Variants in MYO1D observed in about 807,000 individuals in gnomAD.
The protein encoded by MYO1D is myosin ID.
MYO1D carries 83 observed loss-of-function variants against 122.0 expected under a neutral mutation model. The ratio of observed to expected loss-of-function variants is 0.68; its 90% CI spans 0.57 to 0.82. MYO1D has a LOEUF of 0.82. Ranked by LOEUF, MYO1D falls within the 40% of genes least tolerant of loss-of-function variation. MYO1D has a pLI of 0.00. For missense variants in MYO1D, 1,157 were observed against 1,269.5 expected (o/e 0.91, Z 1.35); for synonymous variants, 464 against 446.9 (o/e 1.04, Z -0.48).
chr17:32,514,089 A>G lies in MYO1D; in HGVS notation c.2865-19174T>C, dbSNP rs193205500. Among the ~76,000 whole-genome samples the G allele has an allele frequency of 4.4e-4, 67 of 152,056 alleles. 1 individual carries two copies. The highest frequency in any genetic ancestry group is 1.5e-3 in the African/African-American group (64 of 41,496). ...AAACTCCGTCTCTACTAAAAATACA[A>G]AAATTGGCCAGGCATAGTGGCATGT... is the stretch of plus-strand genomic sequence containing the variant. On this transcript the variant is annotated intron_variant, in intron 21 of 21. Coordinates refer to ENST00000318217, the MANE Select transcript of MYO1D (RefSeq NM_015194.3).
chr17:32,741,725 G>A (rs1473003086), intron 13 of MYO1D, among the ~76,000 whole-genome samples: 8 of 152,098 alleles, frequency 5.3e-5, no homozygotes, highest in Non-Finnish European at 1.0e-4. Flanking sequence ...CATATCCATG[G>A]CTTCCACATT....
In MYO1D at chr17:32,765,086, A is replaced by T. The variant is rs1475253527; in HGVS notation, c.832-5T>A. ...TACTACAAATTTTAAATTTCCCTGT[A>T]TCAAAAGTGAAAAAAATAACACATT... On this transcript the variant is annotated splice_polypyrimidine_tract_variant and splice_region_variant and intron_variant, in intron 7 of 21. Transcript: ENST00000318217. The T allele has an allele frequency of 6.2e-7, 1 of 1,604,558 alleles. No homozygotes were observed. Among genetic ancestry groups the T allele is most frequent in the Non-Finnish European group, 8.5e-7 (1 of 1,172,396 alleles).
intron 16 of MYO1D, among the ~76,000 whole-genome samples, chr17:32,660,416 C>T (rs774123067): frequency 1.3e-5 from 2 of 152,158 alleles, no homozygotes; most frequent in African/African-American, 4.8e-5. Flanking sequence ...TAAAAATCCC[C>T]GTCTGTGCCC....
At chr17:32,592,086 T>C (rs2087444282) in intron 21 of MYO1D, among the ~76,000 whole-genome samples, 1 of 152,202 alleles carries the variant, frequency 6.6e-6, no homozygotes, top group Admixed American at 6.5e-5. Flanking sequence ...TTCTCTTTAT[T>C]ATATCTTGCA....
At chr17:32,651,090 T>C (rs1158152203) in intron 19 of MYO1D, among the ~76,000 whole-genome samples, 1 of 152,136 alleles carries the variant, frequency 6.6e-6, no homozygotes, top group Non-Finnish European at 1.5e-5. Context: ...ATTTATTAGG[T>C]AGGATCAGAA....
intron 19 of MYO1D, among the ~76,000 whole-genome samples, chr17:32,645,732 G>A (rs1567927133): frequency 6.6e-6 from 1 of 151,938 alleles, no homozygotes; most frequent in African/African-American, 2.4e-5. Flanking sequence ...TGTAGTTCTC[G>A]TGCCATGGTT....
chr17:32,809,147 A>AAACT (rs2090547313), intron 1 of MYO1D, among the ~76,000 whole-genome samples: 1 of 151,634 alleles, frequency 6.6e-6, no homozygotes, highest in Admixed American at 6.6e-5. Context: ...AAAAAAAAAA[A>AAACT]AAAACTGTCA....
chr17:32,644,495 T>A (rs573415740), intron 19 of MYO1D, among the ~76,000 whole-genome samples: 19 of 152,204 alleles, frequency 1.2e-4, no homozygotes, highest in Non-Finnish European at 2.5e-4. Flanking sequence ...CGTTGATCTG[T>A]CCAGTGTTGA....
At chr17:32,608,040 G>C (rs973461153) in intron 20 of MYO1D, among the ~76,000 whole-genome samples, 1 of 152,092 alleles carries the variant, frequency 6.6e-6, no homozygotes, top group African/African-American at 2.4e-5. Context: ...ACTTTTAGGA[G>C]AAAACATAGA....
At chr17:32,569,464 T>G (rs2087203241) in intron 21 of MYO1D, among the ~76,000 whole-genome samples, 1 of 152,204 alleles carries the variant, frequency 6.6e-6, no homozygotes. Flanking sequence ...GAAAAGACAC[T>G]GTGTGAAATT....
At chr17:32,859,955 C>A (rs1187494554) in intron 1 of MYO1D, among the ~76,000 whole-genome samples, 1 of 152,170 alleles carries the variant, frequency 6.6e-6, no homozygotes, top group Admixed American at 6.5e-5. Context: ...CCTGACTATT[C>A]CATCATGATA....
intron 1 of MYO1D, among the ~76,000 whole-genome samples, chr17:32,789,625 T>A (rs2090330852): frequency 6.6e-6 from 1 of 152,114 alleles, no homozygotes; most frequent in Non-Finnish European, 1.5e-5. Context: ...GAAATAGGGT[T>A]TTTGCAGGTG....
At chr17:32,730,913 T>G (rs1018401951) in intron 14 of MYO1D, among the ~76,000 whole-genome samples, 1 of 150,506 alleles carries the variant, frequency 6.6e-6, no homozygotes, top group African/African-American at 2.4e-5. Context: ...TCTTTTTTTT[T>G]TTTTTTTTTT....
At chr17:32,830,905 A>C (rs1401454764) in intron 1 of MYO1D, among the ~76,000 whole-genome samples, 1 of 152,118 alleles carries the variant, frequency 6.6e-6, no homozygotes, top group African/African-American at 2.4e-5. Context: ...AAATACAAAA[A>C]ATTAGCTGAG....
rs769946285 is a variant in MYO1D, at chr17:32,494,767, C to T, written c.3013G>A (p.Gly1005Arg). ...CAGGCCTCCGCGGGGCGTCAGTTCC[C>T]GGGCACGCTGAGGATGAAGCCCGAG... is the stretch of plus-strand genomic sequence containing the variant. ...NRSGFILSVP[G>R]N The change falls in exon 22 of 22, where the codon GGG (glycine) becomes AGG (arginine). Residue 1005 changes from glycine to arginine, a missense_variant. Transcript: ENST00000318217. 12 of 1,602,754 alleles carry T rather than the reference C, an allele frequency of 7.5e-6. No homozygotes were observed. Among genetic ancestry groups the T allele is most frequent in the East Asian group, 4.5e-5 (2 of 44,142 alleles).
chr17:32,498,572 C>G (rs893011290), intron 21 of MYO1D: 1 of 152,240 alleles, frequency 6.6e-6, no homozygotes, highest in African/African-American at 2.4e-5. Flanking sequence ...GGGAGCCAGA[C>G]AGGGGTTCTT....
At chr17:32,521,398 A>G (rs1910132661) in intron 21 of MYO1D, among the ~76,000 whole-genome samples, 1 of 152,200 alleles carries the variant, frequency 6.6e-6, no homozygotes, top group African/African-American at 2.4e-5. Flanking sequence ...ACTTCATGTG[A>G]TGAAGGCCTG....
chr17:32,712,311 A>C, intron 15 of MYO1D, 116 bp from the exon 16 acceptor site: 1 of 875,422 alleles, frequency 1.1e-6, no homozygotes, highest in Non-Finnish European at 1.8e-6. Flanking sequence ...CAAACTATCA[A>C]TAGAATTTCA....
At chr17:32,873,968 C>T (rs1430281708) in intron 1 of MYO1D, among the ~76,000 whole-genome samples, 2 of 152,200 alleles carry the variant, frequency 1.3e-5, no homozygotes, top group African/African-American at 4.8e-5. Context: ...CCCTTCCAAA[C>T]AACTTAACTT....
Sources: allele counts gnomAD v4.1 joint callset (sites outside exome capture counted in the v4.1 genomes callset), GRCh38; gene constraint gnomAD v4.1.1; transcripts MANE v1.5; gene names NCBI Gene and HGNC (gene_info 2026-07-23, HGNC 2026-07-21).